TMEM232: variants seen among roughly 807,000 people sequenced by gnomAD.
TMEM232 encodes transmembrane protein 232.
A neutral mutation model predicts 78.8 loss-of-function variants in TMEM232; 80 were observed. That is an observed-to-expected ratio of 1.01 (90% CI 0.85 to 1.22). The LOEUF (loss-of-function observed/expected upper bound fraction) is 1.22, where lower values mean the gene tolerates loss of function less well. TMEM232 is among the 50% of genes most tolerant of loss of function. The pLI is 0.00. For synonymous variants in TMEM232, 297 were observed against 254.3 expected (o/e 1.17, Z -1.60); for missense variants, 881 against 742.2 (o/e 1.19, Z -2.17).
rs1167285114 is a variant in TMEM232 at position 110,661,199 on chromosome 5, G to GTA, written c.125+6027_125+6028dup. Among the ~76,000 whole-genome samples the GTA allele has an allele frequency of 3.3e-5, 5 of 152,186 alleles. No individual in the cohort carries two copies. In the East Asian group the frequency reaches 7.7e-4, roughly 24 times the overall value. ...TTATGGTTTAATAATATTCCATTGTGTATATATATCACATTTTCTTTATTC... is the reference window on the plus strand; with the variant it reads ...TTATGGTTTAATAATATTCCATTGTGTATATATATATCACATTTTCTTTATTC... On this transcript the variant is annotated intron_variant, in intron 2 of 13. Coordinates refer to ENST00000455884, the MANE Select transcript of TMEM232 (RefSeq NM_001039763.4).
chr5:110,432,666 C>T (rs533240933), intron 12 of TMEM232, among the ~76,000 whole-genome samples: 16 of 151,812 alleles, frequency 1.1e-4, no homozygotes, highest in African/African-American at 3.4e-4. Flanking sequence ...AAATGCTCCA[C>T]TTACAAGACA....
chr5:110,729,570 C>T (rs528769835), upstream of TMEM232, among the ~76,000 whole-genome samples: 1 of 152,324 alleles, frequency 6.6e-6, no homozygotes, highest in East Asian at 1.9e-4. Flanking sequence ...TATATTTTCT[C>T]AGAACTCTGT....
chr5:110,469,977 C>T (rs1315516147), intron 12 of TMEM232, among the ~76,000 whole-genome samples: 1 of 152,000 alleles, frequency 6.6e-6, no homozygotes, highest in East Asian at 1.9e-4. Flanking sequence ...TGCTCCCTGC[C>T]CCCCCGGAAC....
intron 1 of TMEM232, chr5:110,720,923 AG>A (rs1443858855): frequency 1.3e-5 from 2 of 152,298 alleles, no homozygotes; most frequent in Non-Finnish European, 2.9e-5. Flanking sequence ...TGGAAAAAAT[AG>A]GTAAGAACAA....
chr5:110,525,875 T>G (rs1197091285), intron 12 of TMEM232, among the ~76,000 whole-genome samples: 1 of 150,824 alleles, frequency 6.6e-6, no homozygotes, highest in Admixed American at 6.6e-5. Context: ...AATAAAAAAT[T>G]CAGAATTAGA....
chr5:110,403,372 G>T (rs1755674563), intron 2 of TMEM232, among the ~76,000 whole-genome samples: 1 of 152,040 alleles, frequency 6.6e-6, no homozygotes, highest in East Asian at 1.9e-4. Flanking sequence ...CCATTGTGGT[G>T]CCTCAGGATA....
chr5:110,455,613 C>A (rs770285791), intron 12 of TMEM232, among the ~76,000 whole-genome samples: 6 of 151,858 alleles, frequency 4.0e-5, no homozygotes, highest in African/African-American at 1.5e-4. Flanking sequence ...CTCCTGACCT[C>A]GTTATCCACC....
chr5:110,406,675 G>A (rs936834708), intron 2 of TMEM232, among the ~76,000 whole-genome samples: 1 of 151,982 alleles, frequency 6.6e-6, no homozygotes, highest in Non-Finnish European at 1.5e-5. Context: ...AAGTACATGA[G>A]CAAACCCAAA....
chr5:110,579,075 T>C (rs1465494946), intron 10 of TMEM232, among the ~76,000 whole-genome samples: 2 of 151,618 alleles, frequency 1.3e-5, no homozygotes, highest in Non-Finnish European at 2.9e-5. Flanking sequence ...ATCAAAAGTA[T>C]AGGAGATAAT....
intron 2 of TMEM232, among the ~76,000 whole-genome samples, chr5:110,665,545 GA>G (rs1238379871): frequency 6.6e-6 from 1 of 152,048 alleles, no homozygotes; most frequent in Admixed American, 6.6e-5. Context: ...TGAGAAGGGG[GA>G]AGCACCAGAC....
At chr5:110,655,283 C>T (rs1788878006) in intron 2 of TMEM232, among the ~76,000 whole-genome samples, 1 of 150,648 alleles carries the variant, frequency 6.6e-6, no homozygotes, top group African/African-American at 2.4e-5. Flanking sequence ...GACATTTATG[C>T]AGCCAAAAGA....
Position 110,598,673 on chromosome 5 carries a change from A to C in TMEM232, c.1276+6436T>G, listed in dbSNP as rs556310258. On this transcript the variant is annotated intron_variant, in intron 10 of 13. Transcript: ENST00000455884. ...TGGCACATATACACCATGGAATACT[A>C]TGCAGCCATAAAAAATGAGGAGTTC... Among the ~76,000 whole-genome samples, 831 of 152,044 alleles carry C rather than the reference A, an allele frequency of 5.5e-3. 13 individuals are homozygous for C. The highest frequency in any genetic ancestry group is 0.02 in the African/African-American group (813 of 41,476).
chr5:110,493,800 CTT>C (rs1279092610), intron 12 of TMEM232, among the ~76,000 whole-genome samples: 2 of 150,446 alleles, frequency 1.3e-5, no homozygotes, highest in Admixed American at 1.3e-4. Flanking sequence ...TTTTTTAATA[CTT>C]TTAAGTTCTG....
chr5:110,705,919 T>C (rs1327428450), intron 1 of TMEM232, among the ~76,000 whole-genome samples: 2 of 151,658 alleles, frequency 1.3e-5, no homozygotes, highest in African/African-American at 4.8e-5. Flanking sequence ...ATATATGCTA[T>C]ATAGGAAAAG....
intron 1 of TMEM232, among the ~76,000 whole-genome samples, chr5:110,737,003 A>C (rs1286237448): frequency 6.3e-3 from 1 of 160 alleles, no homozygotes; most frequent in Non-Finnish European, 0.05. Flanking sequence ...TCCTTATTCT[A>C]AAAAAAAAAA....
chr5:110,721,316 C>T (rs570894102), intron 1 of TMEM232, among the ~76,000 whole-genome samples: 1 of 152,098 alleles, frequency 6.6e-6, no homozygotes, highest in South Asian at 2.1e-4. Context: ...AGTCTGGCTG[C>T]TACAGAAACA....
At chr5:110,691,995 A>G (rs1794171577) in intron 1 of TMEM232, among the ~76,000 whole-genome samples, 1 of 151,934 alleles carries the variant, frequency 6.6e-6, no homozygotes, top group South Asian at 2.1e-4. Flanking sequence ...ATCTCGGCTC[A>G]CTGCAAGCCC....
intron 1 of TMEM232, among the ~76,000 whole-genome samples, chr5:110,669,081 G>C (rs1196267366): frequency 6.6e-6 from 1 of 152,050 alleles, no homozygotes; most frequent in Non-Finnish European, 1.5e-5. Context: ...AGAGAAGCAA[G>C]AGCAAACACA....
At chr5:110,577,218 G>C (rs999113160) in intron 10 of TMEM232, among the ~76,000 whole-genome samples, 1 of 151,884 alleles carries the variant, frequency 6.6e-6, no homozygotes, top group Non-Finnish European at 1.5e-5. Context: ...CAAAAGATAG[G>C]AACAGACACA....
Sources: gnomAD v4.1 joint callset for allele counts (sites outside exome capture counted in the v4.1 genomes callset) on GRCh38, gnomAD v4.1.1 for gene constraint, MANE v1.5 for transcripts, NCBI Gene and HGNC (gene_info 2026-07-23, HGNC 2026-07-21) for gene names.